EEF2KMT: variants seen among roughly 807,000 people sequenced by gnomAD.
EEF2KMT encodes eukaryotic elongation factor 2 lysine methyltransferase.
A neutral mutation model predicts 35.1 loss-of-function variants in EEF2KMT; 30 were observed. The ratio of observed to expected loss-of-function variants is 0.85; its 90% CI spans 0.64 to 1.16. The LOEUF is 1.16. EEF2KMT is among the 50% of genes most tolerant of loss of function. The probability of loss-of-function intolerance (pLI) is 0.00; values close to 1 mark genes in which losing one functional copy is unlikely to be tolerated. For synonymous variants in EEF2KMT, 190 were observed against 187.7 expected (o/e 1.01, Z -0.10); for missense variants, 499 against 438.2 (o/e 1.14, Z -1.24).
rs777510091 is a variant in EEF2KMT at position 5,095,451 on chromosome 16, C to G, written c.159+1G>C. The G allele has an allele frequency of 2.5e-6, 4 of 1,611,544 alleles. No homozygotes were observed. Among genetic ancestry groups the G allele is most frequent in the Non-Finnish European group, 1.7e-6 (2 of 1,179,622 alleles). ...AGTCCCAGGGACTCTGGGATTCTTACCTTGTGCAAAATATCCCGCAGCAGC... is the reference window on the plus strand; with the variant it reads ...AGTCCCAGGGACTCTGGGATTCTTAGCTTGTGCAAAATATCCCGCAGCAGC... On this transcript the variant is annotated splice_donor_variant, in intron 2 of 7. Transcript: ENST00000427587. LOFTEE classifies it high-confidence loss of function.
chr16:5,093,621 G>C, intron 2 of EEF2KMT, 57 bp from the exon 3 acceptor site: 1 of 1,609,500 alleles, frequency 6.2e-7, no homozygotes, highest in South Asian at 1.1e-5. Flanking sequence ...TCTCCTATGA[G>C]CTTCAAGCCA....
At position 5,085,653 on chromosome 16, in the gene EEF2KMT, T is replaced by C. The variant is rs2142737292; in HGVS notation, c.972A>G (p.Ala324=). The C allele has an allele frequency of 6.2e-7, 1 of 1,610,900 alleles. No individual in the cohort carries two copies. Among genetic ancestry groups the C allele is most frequent in the Non-Finnish European group, 8.5e-7 (1 of 1,178,834 alleles). The change falls in exon 8 of 8, where the codon GCA becomes GCG. Residue 324 remains alanine, a synonymous_variant. Transcript: ENST00000427587. ...AGTCCTACAGGGTGAGATTCAGCAT[T>C]GCCATCTCCAAGTGCTCTTCGTAGG... ...LFPYEEHLEM[A]MLNLTL is the part of the protein sequence containing the mutation.
Position 5,084,972 on chromosome 16 carries a change from C to G in EEF2KMT, c.*660G>C. ...TCAGGGCAAACCCTTTCGAGCAGCACCTCCCAGTGGCCAGAAGCTGAAATG... is the reference window on the plus strand; with the variant it reads ...TCAGGGCAAACCCTTTCGAGCAGCAGCTCCCAGTGGCCAGAAGCTGAAATG... On this transcript the variant is annotated 3_prime_UTR_variant, in exon 8 of 8. Transcript: ENST00000427587. The G allele has an allele frequency of 6.3e-7, 1 of 1,589,464 alleles. No homozygotes were observed. The highest frequency in any genetic ancestry group is 8.5e-7 in the Non-Finnish European group (1 of 1,173,578).
intron 1 of EEF2KMT, among the ~76,000 whole-genome samples, chr16:5,096,805 A>G (rs1323378843): frequency 6.6e-6 from 1 of 152,242 alleles, no homozygotes; most frequent in African/African-American, 2.4e-5. Flanking sequence ...CATGTGAACA[A>G]TTACAGTCAA....
chr16:5,092,249 G>C (rs887180468), intron 3 of EEF2KMT, among the ~76,000 whole-genome samples: 9 of 152,190 alleles, frequency 5.9e-5, no homozygotes, highest in African/African-American at 2.2e-4. Flanking sequence ...AGGAGACAAG[G>C]ATTCCGTGAG....
At position 5,084,984 on chromosome 16, in the gene EEF2KMT, C is replaced by T; in HGVS notation, c.*648G>A. ...CTTTCGAGCAGCACCTCCCAGTGGC[C>T]AGAAGCTGAAATGACAGCAGTGGTA... On this transcript the variant is annotated 3_prime_UTR_variant, in exon 8 of 8. Coordinates refer to ENST00000427587, the MANE Select transcript of EEF2KMT (RefSeq NM_201400.4). The T allele has an allele frequency of 4.4e-6, 7 of 1,580,706 alleles. No individual in the cohort carries two copies. The highest frequency in any genetic ancestry group is 6.0e-6 in the Non-Finnish European group (7 of 1,165,908).
At position 5,090,034 on chromosome 16, in the gene EEF2KMT, T is replaced by C. The variant is rs1256596475; in HGVS notation, c.742+50A>G. ...CCTTTTCCCAGAGCCAAGAGCTGGG[T>C]AGAGCTGCAAGGACACCACCTGCAC... is the stretch of plus-strand genomic sequence containing the variant. On this transcript the variant is annotated intron_variant, in intron 6 of 7. Coordinates refer to ENST00000427587, the MANE Select transcript of EEF2KMT (RefSeq NM_201400.4). The surrounding 1 kb of genome is among the most constrained non-coding windows in gnomAD (Gnocchi z 4.1). The C allele has an allele frequency of 6.3e-7, 1 of 1,597,392 alleles. No individual in the cohort carries two copies. Among genetic ancestry groups the C allele is most frequent in the Non-Finnish European group, 8.5e-7 (1 of 1,179,368 alleles).
chr16:5,096,874 C>T (rs1022616943), intron 1 of EEF2KMT, among the ~76,000 whole-genome samples: 5 of 152,204 alleles, frequency 3.3e-5, no homozygotes, highest in African/African-American at 9.6e-5. Context: ...TAAAAATGCA[C>T]GAATTTCTCT....
intron 7 of EEF2KMT, chr16:5,087,339 T>C (rs145354851): frequency 2.6e-5 from 4 of 152,336 alleles, no homozygotes; most frequent in East Asian, 1.9e-4. Flanking sequence ...GGTATACTTA[T>C]GTGAAAATGA....
intron 2 of EEF2KMT, among the ~76,000 whole-genome samples, chr16:5,095,031 T>A (rs1416610989): frequency 6.6e-6 from 1 of 151,930 alleles, no homozygotes; most frequent in Non-Finnish European, 1.5e-5. Context: ...TGCACTTGAG[T>A]CCAAACCCCA....
At chr16:5,093,872 G>T (rs1214274969) in intron 2 of EEF2KMT, among the ~76,000 whole-genome samples, 1 of 152,260 alleles carries the variant, frequency 6.6e-6, no homozygotes, top group Non-Finnish European at 1.5e-5. Context: ...AGGGTTTGCA[G>T]TAAGGACAGT....
intron 7 of EEF2KMT, among the ~76,000 whole-genome samples, chr16:5,086,301 C>T (rs1596267714): frequency 6.9e-6 from 1 of 144,858 alleles, no homozygotes; most frequent in East Asian, 2.2e-4. Flanking sequence ...TGCCACTGCA[C>T]TCCAGCCTGA....
chr16:5,092,088 T>C lies in EEF2KMT; in HGVS notation c.241-193A>G, dbSNP rs150263167. The C allele has an allele frequency of 7.7e-4, 825 of 1,073,642 alleles. 12 individuals carry two copies. The East Asian group carries it at 0.022, about 28-fold the overall frequency. The allele number at this position is 1,073,642 out of a possible 1,614,324, so 66.5% of individuals were successfully genotyped here. A position where few individuals can be genotyped will look rare whatever the true frequency, so the allele number is the denominator to read the frequency against. ...GTCCCAGCTACTCTAGAGGCTGACA[T>C]GGGAGGACTGCTTGAGCCCAGGAGT... On this transcript the variant is annotated intron_variant, in intron 3 of 7. Transcript: ENST00000427587.
At position 5,084,572 on chromosome 16, in the gene EEF2KMT, T is replaced by C. The variant is rs1957082559; in HGVS notation, c.*1060A>G. ...CATGCGGGGAAGTTTCCAGAAACTGTGATGTCAAGTTGGAGGCGGAGTGCT... is the reference window on the plus strand; with the variant it reads ...CATGCGGGGAAGTTTCCAGAAACTGCGATGTCAAGTTGGAGGCGGAGTGCT... On this transcript the variant is annotated 3_prime_UTR_variant, in exon 8 of 8. Transcript: ENST00000427587. 1 of 992,162 alleles carries C rather than the reference T, an allele frequency of 1.0e-6. No homozygotes were observed. The highest frequency in any genetic ancestry group is 1.6e-5 in the African/African-American group (1 of 62,006). 61.5% of individuals were successfully genotyped at this position (992,162 alleles called of 1,614,324 possible).
chr16:5,087,607 G>A (rs1957224549), intron 7 of EEF2KMT, among the ~76,000 whole-genome samples: 1 of 152,104 alleles, frequency 6.6e-6, no homozygotes, highest in Non-Finnish European at 1.5e-5. Flanking sequence ...AGACCAGCCT[G>A]GCCAACATGG....
intron 1 of EEF2KMT, among the ~76,000 whole-genome samples, chr16:5,096,026 C>A (rs908949511): frequency 2.0e-5 from 3 of 152,004 alleles, no homozygotes; most frequent in African/African-American, 7.3e-5. Context: ...AAGACCTGGT[C>A]CTAATCCCTC....
At chr16:5,097,194 G>T (rs1957488706) in intron 1 of EEF2KMT, 4 of 907,816 alleles carry the variant, frequency 4.4e-6, no homozygotes, top group Admixed American at 6.5e-5. Context: ...AGCCGATTCT[G>T]TGCAGTGCTC....
At chr16:5,085,796 G>C in intron 7 of EEF2KMT, 64 bp from the exon 8 acceptor site, 1 of 1,289,390 alleles carries the variant, frequency 7.8e-7, no homozygotes, top group Non-Finnish European at 1.1e-6. Context: ...AGGGTATTGT[G>C]TGGGGCTGCT....
chr16:5,089,852 G>C (rs1021626755), intron 6 of EEF2KMT, among the ~76,000 whole-genome samples: 13 of 152,196 alleles, frequency 8.5e-5, no homozygotes, highest in Non-Finnish European at 1.0e-4. Flanking sequence ...GAGCCATGTG[G>C]TAACGACTGG....
Sources: gnomAD v4.1 joint callset for allele counts (sites outside exome capture counted in the v4.1 genomes callset) on GRCh38, gnomAD v4.1.1 for gene constraint, Gnocchi (gnomAD v3.1) non-coding constraint, MANE v1.5 for transcripts, NCBI Gene and HGNC (gene_info 2026-07-23, HGNC 2026-07-21) for gene names.